The following BDNF variants were observed in gnomAD, a reference collection of about 807,000 sequenced individuals.
The protein encoded by BDNF is brain derived neurotrophic factor, also known as neurotrophic factor BDNF precursor form.
BDNF carries 1 observed loss-of-function variant against 19.5 expected under a neutral mutation model. That is an observed-to-expected ratio of 0.05 (90% CI 0.02 to 0.24). The LOEUF (loss-of-function observed/expected upper bound fraction) is 0.24. BDNF is among the 10% of genes least tolerant of loss of function. The pLI is 1.00. For missense variants in BDNF, 195 were observed against 317.6 expected (o/e 0.61, Z 2.93); for synonymous variants, 100 against 121.6 (o/e 0.82, Z 1.17).
chr11:27,699,364 C>T, intron 1 of BDNF: 1 of 1,614,016 alleles, frequency 6.2e-7, no homozygotes, highest in Non-Finnish European at 8.5e-7. Flanking sequence ...TATTTCTTTC[C>T]AGGAGTAACT....
upstream of BDNF, chr11:27,700,964 GA>G (rs762342854): frequency 7.4e-7 from 1 of 1,359,638 alleles, no homozygotes; most frequent in Non-Finnish European, 9.8e-7. Context: ...CCGGGCCACA[GA>G]CACACCTTCC....
chr11:27,662,286 T>C (rs1385260330), intron 1 of BDNF, among the ~76,000 whole-genome samples: 1 of 152,220 alleles, frequency 6.6e-6, no homozygotes, highest in Middle Eastern at 3.2e-3. Context: ...GGTAAGTTCT[T>C]TGAGGGAATG....
chr11:27,655,577 A>C lies in BDNF; in HGVS notation c.*2244T>G, dbSNP rs1171768032. 2.0e-5 allele frequency: 3 copies of C among 152,248 alleles called. No homozygotes were observed. The East Asian group carries it at 5.8e-4, about 29-fold the overall frequency. 9.4% of individuals were successfully genotyped at this position (152,248 alleles called of 1,614,324 possible). On this transcript the variant is annotated 3_prime_UTR_variant, in exon 2 of 2. Coordinates refer to ENST00000356660, the MANE Select transcript of BDNF (RefSeq NM_001709.5). ...AAACAACACAAAACAAATCTACACT[A>C]CGTAAAGTCTTCCTTCTTTCAAAGA... is the stretch of plus-strand genomic sequence containing the variant.
chr11:27,671,420 T>C (rs1332895371), intron 1 of BDNF, among the ~76,000 whole-genome samples: 3 of 151,878 alleles, frequency 2.0e-5, no homozygotes, highest in Admixed American at 2.0e-4. Context: ...CTGGAAATGG[T>C]GGAGAGAGAG....
chr11:27,704,368 C>T (rs917934367), upstream of BDNF, among the ~76,000 whole-genome samples: 4 of 152,174 alleles, frequency 2.6e-5, no homozygotes, highest in Admixed American at 1.3e-4. Flanking sequence ...CTATTCTTGT[C>T]GGGAAATATA....
At chr11:27,679,028 T>C (rs1856536337) in intron 1 of BDNF, among the ~76,000 whole-genome samples, 1 of 152,152 alleles carries the variant, frequency 6.6e-6, no homozygotes, top group Non-Finnish European at 1.5e-5. Flanking sequence ...ATCCAGACAC[T>C]GGGTTAGGAA....
At chr11:27,672,493 G>A (rs1413969453) in intron 1 of BDNF, among the ~76,000 whole-genome samples, 1 of 152,096 alleles carries the variant, frequency 6.6e-6, no homozygotes, top group African/African-American at 2.4e-5. Flanking sequence ...ACTCACTCAA[G>A]GCAGATTTCT....
intron 1 of BDNF, among the ~76,000 whole-genome samples, chr11:27,672,908 G>T (rs144786095): frequency 1.3e-5 from 2 of 152,218 alleles, no homozygotes; most frequent in East Asian, 3.9e-4. Flanking sequence ...GGCTTTTTAC[G>T]AAAGACTGCA....
chr11:27,668,914 C>T (rs1186544121), intron 1 of BDNF, among the ~76,000 whole-genome samples: 2 of 152,168 alleles, frequency 1.3e-5, no homozygotes, highest in Non-Finnish European at 2.9e-5. Context: ...TTTTATGAGG[C>T]CAGCATCATC....
chr11:27,710,593 G>A (rs776286624), intron 1 of BDNF, among the ~76,000 whole-genome samples: 2 of 152,166 alleles, frequency 1.3e-5, no homozygotes, highest in African/African-American at 4.8e-5. Flanking sequence ...CCCCAACAGG[G>A]ACTATAAGCC....
At chr11:27,693,789 T>G (rs1221795166) in intron 1 of BDNF, among the ~76,000 whole-genome samples, 1 of 152,178 alleles carries the variant, frequency 6.6e-6, no homozygotes, top group African/African-American at 2.4e-5. Flanking sequence ...TAGTTTCAGT[T>G]TTCAAAGGCA....
At chr11:27,700,646 A>G (rs938659628), upstream of BDNF, 18 of 991,574 alleles carry the variant, frequency 1.8e-5, no homozygotes, top group African/African-American at 2.5e-4. Context: ...GGCGCCCGGA[A>G]CTCCCCGCTC....
At chr11:27,681,992 A>G (rs1856887037) in intron 1 of BDNF, among the ~76,000 whole-genome samples, 1 of 152,138 alleles carries the variant, frequency 6.6e-6, no homozygotes, top group African/African-American at 2.4e-5. Flanking sequence ...CTCACCTGGA[A>G]GTTTCTAATT....
chr11:27,700,987 G>A (rs759985000), upstream of BDNF: 2 of 1,361,430 alleles, frequency 1.5e-6, no homozygotes, highest in South Asian at 1.2e-5. Flanking sequence ...GCACCTTCCT[G>A]CACTACGGAG....
At chr11:27,664,769 G>C (rs1466642743) in intron 1 of BDNF, among the ~76,000 whole-genome samples, 2 of 152,184 alleles carry the variant, frequency 1.3e-5, no homozygotes, top group African/African-American at 4.8e-5. Flanking sequence ...GGGTGACAGA[G>C]ACACTATTGC....
At chr11:27,673,927 G>A (rs1430073011) in intron 1 of BDNF, 2 of 1,061,646 alleles carry the variant, frequency 1.9e-6, no homozygotes, top group Non-Finnish European at 2.6e-6. Context: ...ATGAAAACAG[G>A]TGATGGAAGA....
intron 1 of BDNF, chr11:27,697,371 A>G (rs963172987): frequency 6.6e-6 from 1 of 152,224 alleles, no homozygotes; most frequent in Non-Finnish European, 1.5e-5. Context: ...ACTCTTAAAG[A>G]TTCCAGGAAA....
intron 1 of BDNF, among the ~76,000 whole-genome samples, chr11:27,690,898 TAAA>T: frequency 7.0e-6 from 1 of 142,664 alleles, no homozygotes; most frequent in Admixed American, 7.0e-5. Context: ...TCCTTGTATG[TAAA>T]AAAAAAAAAA....
intron 1 of BDNF, among the ~76,000 whole-genome samples, chr11:27,684,861 T>C (rs55984254): frequency 6.6e-6 from 1 of 152,202 alleles, no homozygotes; most frequent in Non-Finnish European, 1.5e-5. Flanking sequence ...TACAATTTTA[T>C]TTTTTTGCTG....
Sources: gnomAD v4.1 joint callset for allele counts (sites outside exome capture counted in the v4.1 genomes callset) on GRCh38, gnomAD v4.1.1 for gene constraint, MANE v1.5 for transcripts, NCBI Gene and HGNC (gene_info 2026-07-23, HGNC 2026-07-21) for gene names.